Variants in EEA1 observed in about 807,000 individuals in gnomAD.
EEA1 encodes early endosome antigen 1.
In EEA1, 111 loss-of-function variants were observed where a neutral mutation model predicts 209.2. The ratio of observed to expected loss-of-function variants is 0.53; its 90% CI spans 0.45 to 0.62. The LOEUF is 0.62. EEA1 is among the 20% of genes least tolerant of loss of function. The pLI is 0.00. For synonymous variants in EEA1, 536 were observed against 540.6 expected (o/e 0.99, Z 0.12); for missense variants, 1,343 against 1,530.8 (o/e 0.88, Z 2.05).
chr12:92,831,520 T>C (rs1295214388), intron 11 of EEA1, among the ~76,000 whole-genome samples: 1 of 148,144 alleles, frequency 6.8e-6, no homozygotes, highest in Non-Finnish European at 1.5e-5. Context: ...GAATAATATA[T>C]GAATTATATA....
intron 15 of EEA1, among the ~76,000 whole-genome samples, chr12:92,814,845 A>G (rs917331336): frequency 1.3e-5 from 2 of 152,220 alleles, no homozygotes; most frequent in Admixed American, 1.3e-4. Flanking sequence ...GTATTATGGA[A>G]CTTTAAACTG....
chr12:92,816,844 G>A (rs368223203), intron 14 of EEA1, among the ~76,000 whole-genome samples: 1 of 145,854 alleles, frequency 6.9e-6, no homozygotes, highest in Admixed American at 6.6e-5. Flanking sequence ...TATATTCTGG[G>A]CATTTCTGAA....
At chr12:92,854,008 G>T in intron 5 of EEA1, 54 bp from the exon 6 acceptor site, 1 of 823,556 alleles carries the variant, frequency 1.2e-6, no homozygotes, top group Non-Finnish European at 1.7e-6. Flanking sequence ...AGATAATACT[G>T]TTAAAATGGT....
intron 1 of EEA1, among the ~76,000 whole-genome samples, chr12:92,897,336 T>C (rs777473372): frequency 1.1e-4 from 16 of 152,186 alleles, no homozygotes; most frequent in Non-Finnish European, 4.4e-5. Flanking sequence ...TGGTTGCCTT[T>C]TGCAACCAAT....
chr12:92,871,066 T>C (rs1878621712), intron 2 of EEA1, among the ~76,000 whole-genome samples: 1 of 152,182 alleles, frequency 6.6e-6, no homozygotes, highest in Non-Finnish European at 1.5e-5. Flanking sequence ...TTTTAATACA[T>C]CCATTAATGA....
chr12:92,911,294 G>A (rs1037909409), intron 1 of EEA1, among the ~76,000 whole-genome samples: 1 of 152,080 alleles, frequency 6.6e-6, no homozygotes, highest in Non-Finnish European at 1.5e-5. Context: ...ATTCTCCAGC[G>A]TTAAAAAGAA....
chr12:92,874,139 C>G (rs1878771130), intron 2 of EEA1, among the ~76,000 whole-genome samples: 1 of 151,766 alleles, frequency 6.6e-6, no homozygotes, highest in Admixed American at 6.6e-5. Context: ...ATGGCAAATT[C>G]CCATCTCTAC....
At chr12:92,900,449 T>C (rs1880100309) in intron 1 of EEA1, among the ~76,000 whole-genome samples, 1 of 151,844 alleles carries the variant, frequency 6.6e-6, no homozygotes, top group Non-Finnish European at 1.5e-5. Context: ...TTTTTTTACA[T>C]TTAATGCCCA....
chr12:92,859,077 C>A, intron 3 of EEA1: 1 of 791,530 alleles, frequency 1.3e-6, no homozygotes, highest in South Asian at 1.6e-5. Flanking sequence ...CATTATCTAT[C>A]TCTGTTTTCC....
intron 1 of EEA1, among the ~76,000 whole-genome samples, chr12:92,927,397 T>C (rs1365233500): frequency 6.6e-6 from 1 of 152,168 alleles, no homozygotes; most frequent in Non-Finnish European, 1.5e-5. Context: ...ATAACCACAA[T>C]CAATTTCACT....
intron 25 of EEA1, among the ~76,000 whole-genome samples, chr12:92,778,882 T>A (rs115532171): frequency 0.028 from 4,333 of 152,124 alleles, 188 homozygotes; most frequent in African/African-American, 0.094. Context: ...ACAAAAAAAA[T>A]TTTTTAATTT....
At chr12:92,829,663 C>T (rs891782395) in intron 11 of EEA1, among the ~76,000 whole-genome samples, 13 of 151,364 alleles carry the variant, frequency 8.6e-5, no homozygotes, top group Admixed American at 3.3e-4. Context: ...CCTGAAGTCC[C>T]GGCTACTCAG....
At chr12:92,850,689 C>CAAAAAA (rs11323932) in intron 9 of EEA1, among the ~76,000 whole-genome samples, 7 of 46,928 alleles carry the variant, frequency 1.5e-4, no homozygotes, top group Non-Finnish European at 1.8e-4. Context: ...GACTTTGTCT[C>CAAAAAA]AAAAAAAAAA....
chr12:92,891,742 A>G (rs770881100), intron 1 of EEA1, 21 bp from the exon 2 acceptor site: 1 of 1,547,276 alleles, frequency 6.5e-7, no homozygotes, highest in Non-Finnish European at 8.8e-7. Context: ...AACAGTAGGG[A>G]GGAAAAAAAA....
chr12:92,832,458 C>T, intron 11 of EEA1, 54 bp downstream of exon 11: 1 of 1,488,704 alleles, frequency 6.7e-7, no homozygotes, highest in South Asian at 1.3e-5. Context: ...CCATCAAGTA[C>T]ACGAAGAAGA....
At chr12:92,785,321 T>C (rs1327010907) in intron 22 of EEA1, among the ~76,000 whole-genome samples, 1 of 152,158 alleles carries the variant, frequency 6.6e-6, no homozygotes, top group African/African-American at 2.4e-5. Context: ...TACCTTCCAT[T>C]CTACTGGTGT....
intron 1 of EEA1, among the ~76,000 whole-genome samples, chr12:92,906,063 C>T (rs1213768487): frequency 6.6e-6 from 1 of 151,494 alleles, no homozygotes; most frequent in Non-Finnish European, 1.5e-5. Context: ...AGTGCCACCA[C>T]ACCTGGCTAA....
At chr12:92,903,830 A>T (rs1422184373) in intron 1 of EEA1, among the ~76,000 whole-genome samples, 1 of 152,088 alleles carries the variant, frequency 6.6e-6, no homozygotes, top group East Asian at 1.9e-4. Flanking sequence ...TGTTAGGATG[A>T]TTTTTTTGTT....
At chr12:92,820,515 G>A (rs575004893) in intron 13 of EEA1, among the ~76,000 whole-genome samples, 2 of 152,162 alleles carry the variant, frequency 1.3e-5, no homozygotes, top group South Asian at 4.2e-4. Context: ...CCACTAATCT[G>A]GAATCAGAAT....
Sources: allele counts gnomAD v4.1 joint callset (sites outside exome capture counted in the v4.1 genomes callset), GRCh38; gene constraint gnomAD v4.1.1; transcripts MANE v1.5; gene names NCBI Gene and HGNC (gene_info 2026-07-23, HGNC 2026-07-21).